ULK2: variants seen among roughly 807,000 people sequenced by gnomAD.
The protein encoded by ULK2 is unc-51 like autophagy activating kinase 2.
ULK2 carries 76 observed loss-of-function variants against 127.5 expected under a neutral mutation model. That is an observed-to-expected ratio of 0.60 (90% CI 0.50 to 0.72). ULK2 has a LOEUF of 0.72. Among genes scored for constraint, ULK2 ranks in the 30% least tolerant of loss-of-function variants. ULK2 has a pLI of 0.00. For synonymous variants in ULK2, 452 were observed against 461.9 expected (o/e 0.98, Z 0.28); for missense variants, 1,144 against 1,295.9 (o/e 0.88, Z 1.80).
chr17:19,841,405 A>C (rs898997703), intron 9 of ULK2, 84 bp downstream of exon 9: 1 of 1,334,542 alleles, frequency 7.5e-7, no homozygotes, highest in African/African-American at 1.5e-5. Flanking sequence ...GAATTAAAAA[A>C]TGAGAATACA....
chr17:19,806,449 T>G (rs533936741), intron 14 of ULK2, among the ~76,000 whole-genome samples: 4 of 152,258 alleles, frequency 2.6e-5, no homozygotes, highest in Admixed American at 2.0e-4. Context: ...AGCACCTCTC[T>G]CAGGTAATCT....
chr17:19,819,445 T>G (rs761150830), intron 12 of ULK2, among the ~76,000 whole-genome samples: 105 of 152,140 alleles, frequency 6.9e-4, no homozygotes, highest in Non-Finnish European at 1.2e-3. Flanking sequence ...AGTAGAGAGT[T>G]CCCCATGAGC....
intron 12 of ULK2, among the ~76,000 whole-genome samples, chr17:19,819,742 G>C (rs1027743086): frequency 6.6e-6 from 1 of 152,260 alleles, no homozygotes; most frequent in Middle Eastern, 3.4e-3. Flanking sequence ...CTCTTCCTCA[G>C]GTTCCAAGTT....
intron 9 of ULK2, among the ~76,000 whole-genome samples, chr17:19,840,805 C>T (rs893772835): frequency 2.0e-5 from 3 of 151,762 alleles, no homozygotes; most frequent in Non-Finnish European, 4.4e-5. Context: ...ATGAGAATCA[C>T]TTGAACTCGG....
intron 9 of ULK2, 26 bp from the exon 10 acceptor site, chr17:19,838,609 C>T (rs1015085527): frequency 6.3e-7 from 1 of 1,588,180 alleles, no homozygotes; most frequent in South Asian, 1.1e-5. Flanking sequence ...AACACAACCA[C>T]CTAAGTGATA....
In ULK2 at chr17:19,837,254, C is replaced by CAA. The variant is rs796231341; in HGVS notation, c.787+1245_787+1246dup. Among the ~76,000 whole-genome samples, 10 of 151,254 alleles carry CAA rather than the reference C, an allele frequency of 6.6e-5. No individual in the cohort carries two copies. The East Asian group carries it at 2.0e-3, about 30-fold the overall frequency. Reference sequence around the variant, plus strand: ...GCAACATGACGAAACCCTGTCTCTACAAAAAAAATACAAAAACTAGCCAGA... The same window carrying CAA: ...GCAACATGACGAAACCCTGTCTCTACAAAAAAAAAATACAAAAACTAGCCAGA... On this transcript the variant is annotated intron_variant, in intron 10 of 26. Coordinates refer to ENST00000395544, the MANE Select transcript of ULK2 (RefSeq NM_014683.4).
Position 19,782,355 on chromosome 17 carries a change from G to A in ULK2, c.2461-288C>T, listed in dbSNP as rs116361168. ...CCAGAAAAAGAAAAGAAAGCTGAAC[G>A]ATTAAATCAATATACATGAGACAAA... On this transcript the variant is annotated intron_variant, in intron 22 of 26. Coordinates refer to ENST00000395544, the MANE Select transcript of ULK2 (RefSeq NM_014683.4). Among the ~76,000 whole-genome samples the A allele has an allele frequency of 6.9e-3, 1,054 of 152,202 alleles. 16 individuals carry two copies. The highest frequency in any genetic ancestry group is 0.023 in the African/African-American group (951 of 41,518).
chr17:19,791,308 G>A (rs554532113), intron 20 of ULK2, among the ~76,000 whole-genome samples: 2 of 152,276 alleles, frequency 1.3e-5, no homozygotes, highest in Admixed American at 6.5e-5. Flanking sequence ...GCAGCACTTC[G>A]GGAGGCTGAG....
In ULK2 at chr17:19,799,490, C is replaced by T. The variant is rs1245488008; in HGVS notation, c.1522+5G>A. 3 of 1,550,550 alleles carry T rather than the reference C, an allele frequency of 1.9e-6. No homozygotes were observed. The highest frequency in any genetic ancestry group is 2.6e-6 in the Non-Finnish European group (3 of 1,156,528). On this transcript the variant is annotated splice_donor_5th_base_variant and intron_variant, in intron 17 of 26. Coordinates refer to ENST00000395544, the MANE Select transcript of ULK2 (RefSeq NM_014683.4). ...ATTATTAATAAACCAAATACATTATCCTACCTGAGGAGTTTCTACTCCTGG... is the reference window on the plus strand; with the variant it reads ...ATTATTAATAAACCAAATACATTATTCTACCTGAGGAGTTTCTACTCCTGG...
intron 12 of ULK2, among the ~76,000 whole-genome samples, chr17:19,817,303 T>C (rs1287714847): frequency 2.0e-5 from 3 of 152,116 alleles, no homozygotes; most frequent in African/African-American, 4.8e-5. Context: ...ACACAAAATG[T>C]CCAGAGACTT....
intron 13 of ULK2, among the ~76,000 whole-genome samples, chr17:19,814,140 T>C (rs986774130): frequency 2.0e-5 from 3 of 152,014 alleles, no homozygotes; most frequent in African/African-American, 7.2e-5. Flanking sequence ...TGACACTGCG[T>C]ATCAGTGGAG....
At chr17:19,844,249 A>G (rs1223280322) in intron 7 of ULK2, among the ~76,000 whole-genome samples, 1 of 152,176 alleles carries the variant, frequency 6.6e-6, no homozygotes, top group Non-Finnish European at 1.5e-5. Flanking sequence ...ACAGAAATGG[A>G]AAATATACTT....
chr17:19,817,258 A>C (rs1292150010), intron 12 of ULK2, among the ~76,000 whole-genome samples: 1 of 152,220 alleles, frequency 6.6e-6, no homozygotes, highest in Admixed American at 6.5e-5. Context: ...GGCCTAACAA[A>C]GCAGATACTT....
chr17:19,835,963 G>A (rs1003394217), intron 10 of ULK2, among the ~76,000 whole-genome samples: 19 of 151,538 alleles, frequency 1.3e-4, no homozygotes, highest in African/African-American at 4.4e-4. Context: ...CCCTACAAAA[G>A]GGTAAAAAAA....
intron 12 of ULK2, among the ~76,000 whole-genome samples, chr17:19,818,558 A>T (rs999312826): frequency 1.3e-5 from 2 of 152,142 alleles, no homozygotes; most frequent in Non-Finnish European, 2.9e-5. Context: ...TCTTTCTCGT[A>T]ACAGTGGAAG....
intron 3 of ULK2, among the ~76,000 whole-genome samples, chr17:19,857,243 G>A (rs1406750023): frequency 6.6e-6 from 1 of 151,180 alleles, no homozygotes; most frequent in African/African-American, 2.4e-5. Context: ...GGGAGGTGGA[G>A]GTTGCAGTGG....
intron 8 of ULK2, among the ~76,000 whole-genome samples, chr17:19,841,837 C>A (rs1309998099): frequency 6.6e-6 from 1 of 152,182 alleles, no homozygotes; most frequent in East Asian, 1.9e-4. Flanking sequence ...TGTGAAAATT[C>A]TGTACATCTG....
intron 17 of ULK2, 60 bp downstream of exon 17, chr17:19,799,435 C>A: frequency 7.5e-7 from 1 of 1,336,960 alleles, no homozygotes. Context: ...TAGAAAAACA[C>A]AACTCAAATC....
rs754057342 is a variant in ULK2 at position 19,777,655 on chromosome 17, T to A, written c.2978A>T (p.His993Leu). Residue 993 changes from histidine (H) to leucine (L), a missense_variant, in exon 26 of 27, where the codon CAT becomes CTT. Around this residue, in one of 2 missense-constraint regions of ULK2, gnomAD observed 913 missense variants for 970.5 expected, o/e 0.94. Coordinates refer to ENST00000395544, the MANE Select transcript of ULK2 (RefSeq NM_014683.4). Reference sequence around the variant, plus strand: ...GCCTTCCAAAAGAAGGGCTGCCTTATGATAGCGATAAACAATATCTTCGGT... The same window carrying A: ...GCCTTCCAAAAGAAGGGCTGCCTTAAGATAGCGATAAACAATATCTTCGGT... ...QQTEDIVYRY[H>L]KAALLLEGLS... 6 of 1,614,186 alleles carry A rather than the reference T, an allele frequency of 3.7e-6. No homozygotes were observed. The highest frequency in any genetic ancestry group is 5.1e-6 in the Non-Finnish European group (6 of 1,180,048).
Sources: allele counts gnomAD v4.1 joint callset (sites outside exome capture counted in the v4.1 genomes callset), GRCh38; gene constraint gnomAD v4.1.1; regional missense constraint gnomAD v4.1.1; transcripts MANE v1.5; gene names NCBI Gene and HGNC (gene_info 2026-07-23, HGNC 2026-07-21).